Variants in MKLN1 observed in about 807,000 individuals in gnomAD.
MKLN1 encodes the protein muskelin 1.
A neutral mutation model predicts 99.0 loss-of-function variants in MKLN1; 18 were observed. The ratio of observed to expected loss-of-function variants is 0.18; its 90% confidence interval spans 0.13 to 0.27. The LOEUF (loss-of-function observed/expected upper bound fraction) is 0.27, where lower values mean the gene tolerates loss of function less well. Ranked by LOEUF, MKLN1 falls within the 10% of genes least tolerant of loss-of-function variation. The probability of loss-of-function intolerance (pLI) is 1.00; values close to 1 mark genes in which losing one functional copy is unlikely to be tolerated. For missense variants in MKLN1, 621 were observed against 875.9 expected (o/e 0.71, Z 3.67); for synonymous variants, 288 against 293.2 (o/e 0.98, Z 0.18).
intron 3 of MKLN1, among the ~76,000 whole-genome samples, chr7:131,233,443 T>A (rs141387367): frequency 2.2e-4 from 34 of 151,752 alleles, no homozygotes; most frequent in African/African-American, 7.9e-4. Context: ...GACAGGGTTA[T>A]AACATATTTT....
Position 131,339,227 on chromosome 7 carries a change from G to A in MKLN1, c.98+11230G>A, listed in dbSNP as rs544421354. ...CGCCCCTAGGCCCCACATTGTTCAA[G>A]GGTCAACTGACTGTAACATGATTTG... On this transcript the variant is annotated intron_variant, in intron 1 of 17. Transcript: ENST00000352689. Among the ~76,000 whole-genome samples the A allele has an allele frequency of 2.6e-5, 4 of 152,272 alleles. No homozygotes were observed. The South Asian group carries it at 8.3e-4, about 32-fold the overall frequency.
chr7:131,263,591 A>C (rs534540352), intron 3 of MKLN1, among the ~76,000 whole-genome samples: 2 of 140,702 alleles, frequency 1.4e-5, no homozygotes, highest in East Asian at 4.2e-4. Flanking sequence ...TTTTTTTTTG[A>C]GACTGAGTCT....
intron 1 of MKLN1, among the ~76,000 whole-genome samples, chr7:131,120,898 CCA>C (rs1795358758): frequency 6.6e-6 from 1 of 152,200 alleles, no homozygotes; most frequent in African/African-American, 2.4e-5. Flanking sequence ...AAAGTTGTTT[CCA>C]CATTTTTGTA....
intron 4 of MKLN1, among the ~76,000 whole-genome samples, chr7:131,391,186 ATAG>A (rs1186366840): frequency 6.6e-6 from 1 of 152,100 alleles, no homozygotes; most frequent in Non-Finnish European, 1.5e-5. Context: ...TGAATGATGT[ATAG>A]CTCTCTTTTG....
At chr7:131,205,458 G>GT (rs1796796445) in intron 3 of MKLN1, among the ~76,000 whole-genome samples, 1 of 152,106 alleles carries the variant, frequency 6.6e-6, no homozygotes, top group African/African-American at 2.4e-5. Flanking sequence ...GGGTGTATTA[G>GT]TTTTCTACTG....
chr7:131,304,164 A>G (rs1174144775), intron 3 of MKLN1, among the ~76,000 whole-genome samples: 2 of 152,170 alleles, frequency 1.3e-5, no homozygotes, highest in African/African-American at 4.8e-5. Flanking sequence ...TCTTGAGGCC[A>G]GGAGTTTGAG....
At chr7:131,275,561 ATATATATTTTTTTTTTTTT>A (rs1221170983) in intron 3 of MKLN1, among the ~76,000 whole-genome samples, 3 of 12,512 alleles carry the variant, frequency 2.4e-4, no homozygotes, top group African/African-American at 9.4e-4. Flanking sequence ...ATATATATAT[ATATATATTTTTTTTTTTTT>A]TTTTTTTTTT....
At chr7:131,169,130 G>T (rs1445382108) in intron 2 of MKLN1, among the ~76,000 whole-genome samples, 1 of 152,208 alleles carries the variant, frequency 6.6e-6, no homozygotes, top group Non-Finnish European at 1.5e-5. Flanking sequence ...CTCCCAAAGT[G>T]CTGGGATTAC....
intron 12 of MKLN1, 109 bp downstream of exon 12, chr7:131,446,012 T>A: frequency 1.5e-6 from 1 of 655,688 alleles, no homozygotes; most frequent in Non-Finnish European, 2.4e-6. Flanking sequence ...TTTATTTCTT[T>A]AATTGAGTAA....
intron 3 of MKLN1, among the ~76,000 whole-genome samples, chr7:131,277,152 A>G (rs1389850907): frequency 6.6e-6 from 1 of 152,226 alleles, no homozygotes; most frequent in African/African-American, 2.4e-5. Context: ...TAAGAAGTTA[A>G]TGGAAGGGGA....
intron 1 of MKLN1, among the ~76,000 whole-genome samples, chr7:131,374,922 TA>T (rs1252097591): frequency 6.6e-6 from 1 of 151,692 alleles, no homozygotes; most frequent in Non-Finnish European, 1.5e-5. Flanking sequence ...TTTATTGCTT[TA>T]TTTTTACCCT....
intron 3 of MKLN1, among the ~76,000 whole-genome samples, chr7:131,205,458 G>A (rs1796796409): frequency 6.6e-6 from 1 of 152,106 alleles, no homozygotes; most frequent in African/African-American, 2.4e-5. Flanking sequence ...GGGTGTATTA[G>A]TTTTCTACTG....
chr7:131,212,936 C>T (rs575890613), intron 3 of MKLN1, among the ~76,000 whole-genome samples: 371 of 148,630 alleles, frequency 2.5e-3, no homozygotes, highest in African/African-American at 8.8e-3. Flanking sequence ...AAAAAAAAAA[C>T]AAAAAACACC....
At chr7:131,483,573 C>G (rs931911844) in intron 17 of MKLN1, among the ~76,000 whole-genome samples, 6 of 152,202 alleles carry the variant, frequency 3.9e-5, no homozygotes, top group Non-Finnish European at 8.8e-5. Context: ...CACTCTAACT[C>G]ATACCTGAAC....
chr7:131,152,137 A>G (rs1208470258), intron 2 of MKLN1, among the ~76,000 whole-genome samples: 2 of 152,174 alleles, frequency 1.3e-5, no homozygotes, highest in Non-Finnish European at 2.9e-5. Flanking sequence ...AGCCTGGTCT[A>G]CATAGCAAGA....
intron 2 of MKLN1, among the ~76,000 whole-genome samples, chr7:131,174,395 G>C (rs1796263119): frequency 1.3e-5 from 2 of 152,160 alleles, no homozygotes; most frequent in Admixed American, 1.3e-4. Context: ...TTTCTTGCCT[G>C]GTGATGGGAA....
intron 1 of MKLN1, among the ~76,000 whole-genome samples, chr7:131,374,797 A>G (rs1793588479): frequency 6.6e-6 from 1 of 152,128 alleles, no homozygotes; most frequent in Non-Finnish European, 1.5e-5. Context: ...AAAAATATAT[A>G]TATTCTATAC....
intron 1 of MKLN1, among the ~76,000 whole-genome samples, chr7:131,361,878 A>G (rs1461241224): frequency 3.3e-5 from 5 of 151,576 alleles, no homozygotes; most frequent in South Asian, 2.1e-4. Flanking sequence ...TCTTATCTTC[A>G]TGGTTAGTTT....
At chr7:131,323,377 G>A (rs967989526), upstream of MKLN1, 4 of 152,106 alleles carry the variant, frequency 2.6e-5, no homozygotes, top group African/African-American at 9.7e-5. Flanking sequence ...CTTGAATGAA[G>A]GTGACTTTTT....
Sources: allele counts gnomAD v4.1 joint callset (sites outside exome capture counted in the v4.1 genomes callset), GRCh38; gene constraint gnomAD v4.1.1; transcripts MANE v1.5; gene names NCBI Gene and HGNC (gene_info 2026-07-23, HGNC 2026-07-21).